Variants in LRMDA observed in about 807,000 individuals in gnomAD.
LRMDA encodes leucine-rich melanocyte differentiation-associated protein.
In LRMDA, 18 loss-of-function variants were observed where a neutral mutation model predicts 29.8. That is an observed-to-expected ratio of 0.60 (90% CI 0.42 to 0.90). LRMDA has a LOEUF of 0.90. LRMDA is among the 40% of genes least tolerant of loss of function. LRMDA has a pLI of 0.00. For synonymous variants in LRMDA, 125 were observed against 109.4 expected (o/e 1.14, Z -0.89); for missense variants, 273 against 273.9 (o/e 1.00, Z 0.02).
At chr10:76,517,340 G>A (rs72819361) in intron 6 of LRMDA, among the ~76,000 whole-genome samples, 1 of 152,202 alleles carries the variant, frequency 6.6e-6, no homozygotes, top group Non-Finnish European at 1.5e-5. Flanking sequence ...GATTTTATGA[G>A]TAGCCAGAAG....
chr10:75,608,293 AAGC>A (rs1341873862), intron 2 of LRMDA, among the ~76,000 whole-genome samples: 3 of 152,018 alleles, frequency 2.0e-5, no homozygotes, highest in Non-Finnish European at 4.4e-5. Flanking sequence ...AACCACATAG[AAGC>A]AGAGACTAGA....
chr10:76,428,748 T>G (rs1842157185), intron 6 of LRMDA, among the ~76,000 whole-genome samples: 1 of 152,162 alleles, frequency 6.6e-6, no homozygotes, highest in Non-Finnish European at 1.5e-5. Flanking sequence ...ACGTGGCTGC[T>G]GGCAAAAGCT....
At chr10:75,451,875 T>TA (rs34576906) in intron 2 of LRMDA, 62,454 of 142,744 alleles carry the variant, frequency 0.44, 13,767 homozygotes, top group East Asian at 0.56. Context: ...ATTGCTCTGG[T>TA]AAAAAAAAAA....
intron 2 of LRMDA, among the ~76,000 whole-genome samples, chr10:75,840,478 A>T (rs1340937068): frequency 2.6e-5 from 4 of 152,208 alleles, no homozygotes; most frequent in African/African-American, 9.7e-5. Flanking sequence ...ATCTGCTTAA[A>T]TCCTCATGGT....
At chr10:75,431,970 C>G (rs1224975343) in intron 1 of LRMDA, among the ~76,000 whole-genome samples, 1 of 152,190 alleles carries the variant, frequency 6.6e-6, no homozygotes, top group Non-Finnish European at 1.5e-5. Flanking sequence ...GGGAAGAACA[C>G]CCGCAAGGTC....
chr10:75,593,031 G>A (rs1279095762), intron 2 of LRMDA, among the ~76,000 whole-genome samples: 1 of 151,976 alleles, frequency 6.6e-6, no homozygotes, highest in African/African-American at 2.4e-5. Context: ...CATGCCAAAG[G>A]TTCTGTCAAG....
intron 5 of LRMDA, among the ~76,000 whole-genome samples, chr10:76,099,256 C>T (rs750190897): frequency 6.6e-6 from 1 of 152,180 alleles, no homozygotes; most frequent in Non-Finnish European, 1.5e-5. Context: ...CTAAGTTCCT[C>T]CCAAAGTTAA....
In LRMDA at chr10:76,522,393, C is replaced by G. The variant is rs182273898; in HGVS notation, c.602-34816C>G. Among the ~76,000 whole-genome samples, 917 of 152,234 alleles carry G rather than the reference C, an allele frequency of 6.0e-3. 8 individuals carry two copies. Among genetic ancestry groups the G allele is most frequent in the Admixed American group, 9.0e-3 (137 of 15,296 alleles). On this transcript the variant is annotated intron_variant, in intron 6 of 6. Coordinates refer to ENST00000611255, the MANE Select transcript of LRMDA (RefSeq NM_001305581.2). ...CCATGTGTTTTCAGCTACACTTGTT[C>G]CCCACTTTATCCTAGTTCTAGAACG...
intron 6 of LRMDA, among the ~76,000 whole-genome samples, chr10:76,553,187 C>G (rs1843515516): frequency 6.6e-6 from 1 of 152,160 alleles, no homozygotes; most frequent in Non-Finnish European, 1.5e-5. Context: ...GAAAAGAAAC[C>G]CCACACAGAC....
At chr10:75,893,255 A>G (rs1015063894) in intron 2 of LRMDA, among the ~76,000 whole-genome samples, 3 of 152,156 alleles carry the variant, frequency 2.0e-5, no homozygotes, top group Non-Finnish European at 2.9e-5. Context: ...GGTGCTAGGC[A>G]TATAGATGAC....
At chr10:75,946,777 G>A (rs573240954) in intron 2 of LRMDA, among the ~76,000 whole-genome samples, 43 of 152,044 alleles carry the variant, frequency 2.8e-4, no homozygotes, top group Non-Finnish European at 5.3e-4. Flanking sequence ...GTTACATCCC[G>A]CCTGCTACAG....
chr10:76,339,097 A>T (rs1161106773), intron 6 of LRMDA, among the ~76,000 whole-genome samples: 1 of 152,172 alleles, frequency 6.6e-6, no homozygotes, highest in Non-Finnish European at 1.5e-5. Context: ...CTTTTGTTAC[A>T]TGGAAAATAA....
At chr10:75,998,108 T>G (rs1338008865) in intron 2 of LRMDA, among the ~76,000 whole-genome samples, 1 of 152,160 alleles carries the variant, frequency 6.6e-6, no homozygotes, top group East Asian at 1.9e-4. Context: ...TGTGGTGAAG[T>G]ATGAAGAAGA....
At chr10:75,958,625 G>T (rs947569469) in intron 2 of LRMDA, among the ~76,000 whole-genome samples, 3 of 152,062 alleles carry the variant, frequency 2.0e-5, no homozygotes, top group Non-Finnish European at 2.9e-5. Flanking sequence ...ATAATTTTTT[G>T]GATAATTGAT....
At chr10:75,747,845 T>A (rs1036570118) in intron 2 of LRMDA, among the ~76,000 whole-genome samples, 1 of 152,140 alleles carries the variant, frequency 6.6e-6, no homozygotes, top group Non-Finnish European at 1.5e-5. Context: ...TACACTAGAT[T>A]GCTATTAGGA....
chr10:76,288,502 GA>G (rs1272817163), intron 5 of LRMDA, among the ~76,000 whole-genome samples: 1 of 152,104 alleles, frequency 6.6e-6, no homozygotes, highest in African/African-American at 2.4e-5. Context: ...AAAAGCAATT[GA>G]AACAAAAGCA....
At chr10:75,691,380 C>T (rs543309228) in intron 2 of LRMDA, among the ~76,000 whole-genome samples, 1 of 151,792 alleles carries the variant, frequency 6.6e-6, no homozygotes, top group Non-Finnish European at 1.5e-5. Flanking sequence ...CAGCAGCTTA[C>T]ACTTTCTTGC....
intron 1 of LRMDA, among the ~76,000 whole-genome samples, chr10:75,436,576 T>G (rs989891028): frequency 2.6e-5 from 4 of 151,944 alleles, no homozygotes; most frequent in Non-Finnish European, 4.4e-5. Context: ...CACACCATTC[T>G]CCTACCCTAG....
At chr10:75,750,956 A>G (rs1462823295) in intron 2 of LRMDA, among the ~76,000 whole-genome samples, 4 of 152,226 alleles carry the variant, frequency 2.6e-5, no homozygotes, top group Admixed American at 2.6e-4. Context: ...TTGGGAGGCC[A>G]AGGCAGGCGG....
Sources: gnomAD v4.1 joint callset for allele counts (sites outside exome capture counted in the v4.1 genomes callset) on GRCh38, gnomAD v4.1.1 for gene constraint, MANE v1.5 for transcripts, NCBI Gene and HGNC (gene_info 2026-07-23, HGNC 2026-07-21) for gene names.